SLC4A8: variants seen among roughly 807,000 people sequenced by gnomAD.
The protein encoded by SLC4A8 is solute carrier family 4 member 8.
A neutral mutation model predicts 125.0 loss-of-function variants in SLC4A8; 40 were observed. The ratio of observed to expected loss-of-function variants is 0.32; its 90% CI spans 0.25 to 0.42. The LOEUF (loss-of-function observed/expected upper bound fraction) is 0.42. Among genes scored for constraint, SLC4A8 ranks in the 10% least tolerant of loss-of-function variants. SLC4A8 has a pLI of 1.00. For missense variants in SLC4A8, 863 were observed against 1,355.1 expected, an observed-to-expected ratio of 0.64 and a Z score of 5.70; for synonymous variants, 456 against 476.0, an observed-to-expected ratio of 0.96 and a Z score of 0.55.
chr12:51,425,648 A>G (rs1001899895), intron 1 of SLC4A8, among the ~76,000 whole-genome samples: 1 of 152,172 alleles, frequency 6.6e-6, no homozygotes, highest in Non-Finnish European at 1.5e-5. Flanking sequence ...TAAGGGAATT[A>G]AAAAACCAAG....
intron 6 of SLC4A8, 56 bp downstream of exon 6, chr12:51,457,595 G>A: frequency 6.6e-7 from 1 of 1,505,120 alleles, no homozygotes. Flanking sequence ...GGAACTAGTT[G>A]GAGATGCTGA....
chr12:51,475,559 G>C (rs374020277), intron 16 of SLC4A8, among the ~76,000 whole-genome samples: 23 of 152,354 alleles, frequency 1.5e-4, no homozygotes, highest in African/African-American at 5.3e-4. Flanking sequence ...CCTGAATACA[G>C]TAAATTGTCA....
intron 22 of SLC4A8, among the ~76,000 whole-genome samples, chr12:51,502,971 A>G (rs879933876): frequency 6.6e-6 from 1 of 150,624 alleles, no homozygotes; most frequent in Admixed American, 6.6e-5. Context: ...CCTCCCGAGT[A>G]GCTGGGACTA....
intron 24 of SLC4A8, among the ~76,000 whole-genome samples, chr12:51,506,303 G>A (rs542521655): frequency 2.1e-4 from 32 of 152,278 alleles, no homozygotes; most frequent in African/African-American, 7.0e-4. Flanking sequence ...TATTCAGATA[G>A]TGTTGATAGT....
intron 1 of SLC4A8, among the ~76,000 whole-genome samples, chr12:51,395,188 C>T (rs1948235437): frequency 6.6e-6 from 1 of 152,172 alleles, no homozygotes; most frequent in East Asian, 1.9e-4. Flanking sequence ...CCTCTCTAGA[C>T]ATTGTCTCTA....
At chr12:51,415,540 C>T (rs1948671580) in intron 1 of SLC4A8, among the ~76,000 whole-genome samples, 1 of 151,960 alleles carries the variant, frequency 6.6e-6, no homozygotes, top group African/African-American at 2.4e-5. Context: ...TATGTTTTGT[C>T]TTGCTCTGTC....
At chr12:51,425,799 A>G (rs1948951180) in intron 1 of SLC4A8, among the ~76,000 whole-genome samples, 1 of 152,132 alleles carries the variant, frequency 6.6e-6, no homozygotes, top group Admixed American at 6.5e-5. Flanking sequence ...GCCTCTTTGA[A>G]CCTCAGTTTC....
At chr12:51,416,983 G>A (rs796544121) in intron 1 of SLC4A8, among the ~76,000 whole-genome samples, 31 of 152,104 alleles carry the variant, frequency 2.0e-4, no homozygotes, top group South Asian at 1.0e-3. Context: ...AAGTTAGCTG[G>A]CCACGAGTGT....
intron 2 of SLC4A8, 107 bp downstream of exon 2, chr12:51,440,896 G>GA (rs1267475319): frequency 9.5e-7 from 1 of 1,054,792 alleles, no homozygotes; most frequent in Non-Finnish European, 1.3e-6. Context: ...AGACCTTGGG[G>GA]AAAATCACTT....
rs1948429523 is a variant in SLC4A8 at position 51,403,367 on chromosome 12, G to GCCA, written c.-112+11879_-112+11880insCCA. 4 of 410,938 alleles carry GCCA rather than the reference G, an allele frequency of 9.7e-6. No homozygotes were observed. The Admixed American group carries it at 1.0e-4, about 11-fold the overall frequency. 25.5% of individuals were successfully genotyped at this position (410,938 alleles called of 1,614,324 possible). A position where few individuals can be genotyped will look rare whatever the true frequency, so the allele number is the denominator to read the frequency against. On this transcript the variant is annotated intron_variant, in intron 1 of 24. Transcript: ENST00000358657. ...TTTCCAGAGTTTGGGCAGGAGCCAT[G>GCCA]ACAGCCTGTTGATGAGCTTGGCTGA...
In SLC4A8 at chr12:51,447,056, G is replaced by GTCTATCTATCTATCTATCTATCTA. The variant is rs1038724217; in HGVS notation, c.131-3809_131-3808insATCTATCTATCTATCTATCTATCT. Among the ~76,000 whole-genome samples, 471 of 147,376 alleles carry GTCTATCTATCTATCTATCTATCTA rather than the reference G, an allele frequency of 3.2e-3. 6 individuals are homozygous for GTCTATCTATCTATCTATCTATCTA. The highest frequency in any genetic ancestry group is 3.9e-3 in the Non-Finnish European group (261 of 66,582). ...TGCCTGCCTGTCTGTCTGTCTGTCT[G>GTCTATCTATCTATCTATCTATCTA]TCTATCTATCTGTCTATCTATCTAT... is the stretch of plus-strand genomic sequence containing the variant. On this transcript the variant is annotated intron_variant, in intron 2 of 24. Coordinates refer to ENST00000453097, the MANE Select transcript of SLC4A8 (RefSeq NM_001039960.3).
chr12:51,492,881 C>G (rs544061113), intron 19 of SLC4A8, among the ~76,000 whole-genome samples: 33 of 151,978 alleles, frequency 2.2e-4, no homozygotes, highest in Non-Finnish European at 3.7e-4. Flanking sequence ...TGATGTTCCC[C>G]TCTCTGTGTC....
chr12:51,391,836 C>T (rs1047303698), intron 1 of SLC4A8: 9 of 152,420 alleles, frequency 5.9e-5, no homozygotes, highest in African/African-American at 2.2e-4. Context: ...CTCAGCCCGC[C>T]CCGGGGGTGC....
intron 16 of SLC4A8, among the ~76,000 whole-genome samples, chr12:51,485,210 C>G (rs1242632966): frequency 2.0e-5 from 3 of 152,098 alleles, no homozygotes; most frequent in Admixed American, 6.6e-5. Context: ...ACTTATGTTT[C>G]AAATAATTAC....
intron 16 of SLC4A8, 117 bp from the exon 17 acceptor site, chr12:51,485,666 CATTA>C: frequency 1.6e-6 from 1 of 606,214 alleles, no homozygotes; most frequent in Non-Finnish European, 3.0e-6. Context: ...AATTTGCTTG[CATTA>C]ATTCAACTGT....
chr12:51,470,299 G>A, intron 12 of SLC4A8, 93 bp from the exon 13 acceptor site: 1 of 1,178,508 alleles, frequency 8.5e-7, no homozygotes, highest in South Asian at 1.4e-5. Context: ...GGCCATCAAG[G>A]CACACAGGAG....
intron 19 of SLC4A8, among the ~76,000 whole-genome samples, chr12:51,490,416 G>A (rs1034663335): frequency 3.7e-4 from 56 of 151,904 alleles, no homozygotes; most frequent in Non-Finnish European, 2.2e-4. Context: ...AAAATTAGCC[G>A]GGTGTGGTGG....
At chr12:51,398,342 C>T (rs898598317) in intron 1 of SLC4A8, among the ~76,000 whole-genome samples, 3 of 152,166 alleles carry the variant, frequency 2.0e-5, no homozygotes, top group Non-Finnish European at 4.4e-5. Flanking sequence ...TAATATCATA[C>T]AATTAATAAG....
Position 51,512,490 on chromosome 12 carries a change from C to G in SLC4A8, c.*5052C>G, listed in dbSNP as rs1938400045. 1 of 152,188 alleles carries G rather than the reference C, an allele frequency of 6.6e-6. No homozygotes were observed. Among genetic ancestry groups the G allele is most frequent in the Non-Finnish European group, 1.5e-5 (1 of 68,048 alleles). 9.4% of individuals were successfully genotyped at this position (152,188 alleles called of 1,614,324 possible). A position where few individuals can be genotyped will look rare whatever the true frequency, so the allele number is the denominator to read the frequency against. On this transcript the variant is annotated 3_prime_UTR_variant, in exon 25 of 25. Transcript: ENST00000453097. ...GTAGGAACCATTCCCTACTCTTACT[C>G]CCTCCTCTTGTCCAACTTCCACCAA...
Sources: allele counts gnomAD v4.1 joint callset (sites outside exome capture counted in the v4.1 genomes callset), GRCh38; gene constraint gnomAD v4.1.1; transcripts MANE v1.5; gene names NCBI Gene and HGNC (gene_info 2026-07-23, HGNC 2026-07-21).